Variants in SMG1 observed in about 807,000 individuals in gnomAD.
SMG1 encodes the protein serine/threonine-protein kinase SMG1.
In SMG1, 22 loss-of-function variants were observed where a neutral mutation model predicts 419.9. That is an observed-to-expected ratio of 0.05 (90% CI 0.04 to 0.07). The LOEUF (loss-of-function observed/expected upper bound fraction) is 0.07, where lower values mean the gene tolerates loss of function less well. Ranked by LOEUF, SMG1 falls within the 10% of genes least tolerant of loss-of-function variation. The pLI is 1.00. For synonymous variants in SMG1, 1,538 were observed against 1,553.5 expected (o/e 0.99, Z 0.23); for missense variants, 3,185 against 4,342.0 (o/e 0.73, Z 7.49).
intron 29 of SMG1, 41 bp from the exon 30 acceptor site, chr16:18,854,945 A>C: frequency 3.2e-6 from 5 of 1,577,540 alleles, no homozygotes; most frequent in Non-Finnish European, 4.3e-6. Flanking sequence ...TAATTTGTCT[A>C]AACCAGACTG....
intron 1 of SMG1, among the ~76,000 whole-genome samples, chr16:18,912,848 T>G (rs1486500844): frequency 6.6e-6 from 1 of 152,136 alleles, no homozygotes; most frequent in Admixed American, 6.5e-5. Context: ...TAAATCTGAC[T>G]AATGAATAAA....
chr16:18,873,469 C>T (rs529129451), intron 13 of SMG1, among the ~76,000 whole-genome samples: 2 of 152,134 alleles, frequency 1.3e-5, no homozygotes, highest in East Asian at 1.9e-4. Context: ...TGATCTGCCC[C>T]CCTCGGTCTC....
At chr16:18,894,023 C>T (rs768520195) in intron 3 of SMG1, among the ~76,000 whole-genome samples, 3 of 149,950 alleles carry the variant, frequency 2.0e-5, no homozygotes, top group Non-Finnish European at 3.0e-5. Flanking sequence ...CGCCACTGCA[C>T]TCCAGCCTGG....
At chr16:18,917,991 T>C (rs901579835) in intron 1 of SMG1, among the ~76,000 whole-genome samples, 2 of 151,294 alleles carry the variant, frequency 1.3e-5, no homozygotes, top group African/African-American at 4.8e-5. Context: ...GCCAGGGTGG[T>C]GGCTCACGCC....
intron 1 of SMG1, among the ~76,000 whole-genome samples, chr16:18,898,066 T>A (rs1269929921): frequency 6.6e-6 from 1 of 152,214 alleles, no homozygotes; most frequent in Non-Finnish European, 1.5e-5. Context: ...GACAGCAGTG[T>A]TTGTATACTG....
chr16:18,813,516 T>G (rs1006944626), intron 60 of SMG1, among the ~76,000 whole-genome samples: 1 of 152,242 alleles, frequency 6.6e-6, no homozygotes, highest in African/African-American at 2.4e-5. Flanking sequence ...TTGATGGGGT[T>G]GTTTTTTTCT....
At chr16:18,901,897 A>C (rs1296171226) in intron 1 of SMG1, among the ~76,000 whole-genome samples, 1 of 144,312 alleles carries the variant, frequency 6.9e-6, no homozygotes, top group Non-Finnish European at 1.5e-5. Context: ...GTGAGCTGAG[A>C]TCATGCCACT....
At chr16:18,873,532 T>A (rs1160307043) in intron 13 of SMG1, among the ~76,000 whole-genome samples, 1 of 152,196 alleles carries the variant, frequency 6.6e-6, no homozygotes, top group Admixed American at 6.5e-5. Context: ...GAACTTTCTT[T>A]ACAAAAACAG....
At chr16:18,872,456 T>C (rs984245959) in intron 14 of SMG1, 38 bp downstream of exon 14, 38 of 1,522,058 alleles carry the variant, frequency 2.5e-5, no homozygotes, top group Non-Finnish European at 3.2e-5. Context: ...AAAAAAATGT[T>C]TTGTGGGGTT....
At chr16:18,815,766 G>T in intron 58 of SMG1, 115 bp from the exon 59 acceptor site, 1 of 784,576 alleles carries the variant, frequency 1.3e-6, no homozygotes, top group Non-Finnish European at 1.9e-6. Flanking sequence ...TGTTTAAACT[G>T]CTTAGTTCAA....
chr16:18,909,639 G>A (rs1326527689), intron 1 of SMG1, among the ~76,000 whole-genome samples: 2 of 152,188 alleles, frequency 1.3e-5, no homozygotes, highest in Non-Finnish European at 2.9e-5. Context: ...AGTAATTCCA[G>A]AAGATATGGT....
In SMG1 at chr16:18,860,728, C is replaced by T. The variant is rs34999885; in HGVS notation, c.3744G>A (p.Gln1248=). 155,710 of 1,428,716 alleles carry T rather than the reference C, an allele frequency of 0.11. 11,813 individuals are homozygous for T. Among genetic ancestry groups the T allele is most frequent in the African/African-American group, 0.2 (14,082 of 69,502 alleles). The allele number at this position is 1,428,716 out of a possible 1,614,324, so 88.5% of individuals were successfully genotyped here. A position where few individuals can be genotyped will look rare whatever the true frequency, so the allele number is the denominator to read the frequency against. Residue 1248 remains glutamine, a synonymous_variant, in exon 26 of 63, where the codon CAG becomes CAA. Coordinates refer to ENST00000446231, the MANE Select transcript of SMG1 (RefSeq NM_015092.5). ...TATTTTCTCCTGGTAACAATTCTAA[C>T]TGCTCGGTACATTCAACAAATTTTC... ...ESGKFVECTE[Q]LELLPGENIN... is the part of the protein sequence containing the mutation.
Position 18,835,024 on chromosome 16 carries a change from A to C in SMG1, c.8198T>G (p.Val2733Gly). Residue 2733 changes from valine to glycine, a missense_variant, in exon 49 of 63, where the codon GTC (valine) becomes GGC (glycine). This residue lies in a region of SMG1 where 412 missense variants were observed against 546.6 expected (regional missense o/e 0.75). Transcript: ENST00000446231. ...CTGATCTTCACAAACTGGCACAGTGACAGCTTCCTGTTTCAAGCGTTCCAC... is the reference window on the plus strand; with the variant it reads ...CTGATCTTCACAAACTGGCACAGTGCCAGCTTCCTGTTTCAAGCGTTCCAC... ...RQVERLKQEA[V>G]TVPVCEDQLK... 3 of 1,614,014 alleles carry C rather than the reference A, an allele frequency of 1.9e-6. No homozygotes were observed.
intron 62 of SMG1, among the ~76,000 whole-genome samples, chr16:18,810,317 T>C (rs974095647): frequency 5.3e-5 from 8 of 151,924 alleles, no homozygotes; most frequent in South Asian, 2.1e-4. Context: ...CTTGAATGAA[T>C]TGAATTATGA....
In SMG1 at chr16:18,834,332, C is replaced by T; in HGVS notation, c.8437G>A (p.Gly2813Arg). 3 of 1,613,524 alleles carry T rather than the reference C, an allele frequency of 1.9e-6. No homozygotes were observed. Among genetic ancestry groups the T allele is most frequent in the South Asian group, 1.1e-5 (1 of 90,918 alleles). ...WFLEELCSMS[G>R]NVTCLVQLLK... Reference sequence around the variant, plus strand: ...AACTGAACCAAGCAGGTGACGTTTCCGCTCATACTGCAGAGTTCCTCCAAG... The same window carrying T: ...AACTGAACCAAGCAGGTGACGTTTCTGCTCATACTGCAGAGTTCCTCCAAG... The change falls in exon 50 of 63, where the codon GGA becomes AGA. Residue 2813 changes from glycine (G) to arginine (R), a missense_variant. By Grantham distance (125) the Gly-to-Arg change is moderately radical. Coordinates refer to ENST00000446231, the MANE Select transcript of SMG1 (RefSeq NM_015092.5).
At chr16:18,907,163 T>C (rs749762455) in intron 1 of SMG1, among the ~76,000 whole-genome samples, 2 of 151,828 alleles carry the variant, frequency 1.3e-5, no homozygotes, top group African/African-American at 2.4e-5. Context: ...GCGCCTGTAA[T>C]CCCAGCTACT....
At chr16:18,867,700 C>CTTT (rs778044384) in intron 22 of SMG1, among the ~76,000 whole-genome samples, 2,633 of 87,758 alleles carry the variant, frequency 0.03, 1 homozygote, top group East Asian at 0.048. Flanking sequence ...ATTTTAACTT[C>CTTT]TTTTTTTTTT....
chr16:18,809,706 A>T, intron 62 of SMG1, 60 bp from the exon 63 acceptor site: 15 of 1,322,232 alleles, frequency 1.1e-5, no homozygotes, highest in Non-Finnish European at 1.5e-5. Flanking sequence ...TGTCTGCTGA[A>T]TTACAATCAG....
chr16:18,816,540 C>G lies in SMG1; in HGVS notation c.10075-11G>C, dbSNP rs373331466. ...TTCAAGACCAGTGTCCTAAATAGAA[C>G]AAGCATTTGTTTGACTTCGAGTATC... On this transcript the variant is annotated splice_polypyrimidine_tract_variant and intron_variant, in intron 57 of 62. Coordinates refer to ENST00000446231, the MANE Select transcript of SMG1 (RefSeq NM_015092.5). The G allele has an allele frequency of 6.2e-7, 1 of 1,608,434 alleles. No individual in the cohort carries two copies. Among genetic ancestry groups the G allele is most frequent in the African/African-American group, 1.3e-5 (1 of 74,880 alleles).
Sources: allele counts gnomAD v4.1 joint callset (sites outside exome capture counted in the v4.1 genomes callset), GRCh38; gene constraint gnomAD v4.1.1; regional missense constraint gnomAD v4.1.1; transcripts MANE v1.5; gene names NCBI Gene and HGNC (gene_info 2026-07-23, HGNC 2026-07-21).